The following ACSS1 variants were observed in gnomAD, a reference collection of about 807,000 sequenced individuals.
ACSS1 encodes the protein acetyl-coenzyme A synthetase 2-like, mitochondrial.
In ACSS1, 42 loss-of-function variants were observed where a neutral mutation model predicts 75.3. That is an observed-to-expected ratio of 0.56 (90% CI 0.44 to 0.72). The LOEUF (loss-of-function observed/expected upper bound fraction) is 0.72. ACSS1 is among the 30% of genes least tolerant of loss of function. ACSS1 has a pLI of 0.00. For missense variants in ACSS1, 782 were observed against 935.7 expected, an observed-to-expected ratio of 0.84 and a Z score of 2.14; for synonymous variants, 380 against 376.8, an observed-to-expected ratio of 1.01 and a Z score of -0.10.
chr20:25,018,845 C>G (rs899610481), intron 7 of ACSS1, among the ~76,000 whole-genome samples: 1 of 152,134 alleles, frequency 6.6e-6, no homozygotes, highest in African/African-American at 2.4e-5. Flanking sequence ...CCTGCTATTC[C>G]TCAGGAGCTC....
chr20:25,015,845 T>C (rs915990361), intron 7 of ACSS1, among the ~76,000 whole-genome samples: 2 of 152,152 alleles, frequency 1.3e-5, no homozygotes. Context: ...AATCTGGATG[T>C]TTCTCTTAAC....
intron 12 of ACSS1, chr20:25,011,300 G>C (rs1480457247): frequency 6.6e-6 from 1 of 152,180 alleles, no homozygotes; most frequent in Non-Finnish European, 1.5e-5. Flanking sequence ...TCTTGCACTT[G>C]CTTTATGGAG....
intron 1 of ACSS1, among the ~76,000 whole-genome samples, chr20:25,053,144 ACC>A (rs1263587693): frequency 2.8e-5 from 4 of 145,054 alleles, no homozygotes; most frequent in African/African-American, 1.1e-4. Flanking sequence ...GCTCACTGCA[ACC>A]TCCACCTCCT....
Position 25,033,177 on chromosome 20 carries a change from C to T in ACSS1, c.432-2219G>A, listed in dbSNP as rs1038051282. ...TCACTCAACATCTTCAGCCAGATTC[C>T]GTTTTCATAGCTCTGAGAGCTTAAG... On this transcript the variant is annotated intron_variant, in intron 2 of 13. Coordinates refer to ENST00000323482, the MANE Select transcript of ACSS1 (RefSeq NM_032501.4). Among the ~76,000 whole-genome samples the T allele has an allele frequency of 9.2e-5, 14 of 152,102 alleles. No individual in the cohort carries two copies. In the East Asian group the frequency reaches 2.5e-3, roughly 27 times the overall value.
Position 25,012,817 on chromosome 20 carries a change from C to A in ACSS1, c.1702G>T (p.Ala568Ser). The change falls in exon 11 of 14, where the codon GCC becomes TCC. Residue 568 changes from alanine (A) to serine (S), a missense_variant. Ala to Ser is a moderately conservative substitution (Grantham distance 99, BLOSUM62 1). Transcript: ENST00000323482. ...HRLGTAEIED[A>S]IADHPAVPES... The stretch of plus-strand genomic sequence containing the variant: ...GAGGCCCAGCCTGTGCTCACGATGG[C>A]GTCCTCAATCTCTGCGGTCCCCAGC... 1 of 1,614,064 alleles carries A rather than the reference C, an allele frequency of 6.2e-7. No homozygotes were observed. Among genetic ancestry groups the A allele is most frequent in the Non-Finnish European group, 8.5e-7 (1 of 1,179,978 alleles).
At chr20:25,023,198 T>C in intron 4 of ACSS1, 106 bp from the exon 5 acceptor site, 2 of 1,375,490 alleles carry the variant, frequency 1.5e-6, no homozygotes, top group Middle Eastern at 2.4e-4. Context: ...AGAATTCACC[T>C]GCTCTGACCT....
chr20:25,055,327 G>A (rs1275961731), intron 1 of ACSS1, among the ~76,000 whole-genome samples: 4 of 152,192 alleles, frequency 2.6e-5, no homozygotes. Context: ...TTGTTTTACA[G>A]ATGAGGAAAC....
At chr20:25,045,679 G>T (rs2089077333) in intron 2 of ACSS1, among the ~76,000 whole-genome samples, 1 of 152,266 alleles carries the variant, frequency 6.6e-6, no homozygotes, top group South Asian at 2.1e-4. Flanking sequence ...ACTGTGTTCA[G>T]TGGCAGTGAT....
At position 25,007,876 on chromosome 20, in the gene ACSS1, G is replaced by A. The variant is rs201971518; in HGVS notation, c.1956C>T (p.Ile652=). Residue 652 remains isoleucine, a synonymous_variant, in exon 14 of 14, where the codon ATC becomes ATT. Coordinates refer to ENST00000323482, the MANE Select transcript of ACSS1 (RefSeq NM_032501.4). ...KVMRRLLRKI[I]TSEAQELGDT... ...CTCCCAGCTCCTGGGCCTCACTAGT[G>A]ATGATCTTCCTCAGGAGCCGCCGCA... 2.2e-4 allele frequency: 355 copies of A among 1,614,196 alleles called. 1 individual carries two copies. Among genetic ancestry groups the A allele is most frequent in the Middle Eastern group, 2.0e-3 (12 of 6,060 alleles).
At chr20:25,051,018 A>G (rs2089167600) in intron 1 of ACSS1, among the ~76,000 whole-genome samples, 1 of 152,120 alleles carries the variant, frequency 6.6e-6, no homozygotes, top group Admixed American at 6.5e-5. Context: ...AGGTGCTCAA[A>G]AAGTGGCCAC....
chr20:25,018,783 T>C (rs1182952283), intron 7 of ACSS1, among the ~76,000 whole-genome samples: 1 of 152,228 alleles, frequency 6.6e-6, no homozygotes, highest in Non-Finnish European at 1.5e-5. Flanking sequence ...ACAGAAGGTT[T>C]TTACTGTTAA....
rs138103045 is a variant in ACSS1, at chr20:25,048,007, C to T, written c.431+78G>A. ...GCACTCCCTGAGACTCAGACGGCCC[C>T]TCCCTGACAGCCAGACTCAGCACAC... On this transcript the variant is annotated intron_variant, in intron 2 of 13. Coordinates refer to ENST00000323482, the MANE Select transcript of ACSS1 (RefSeq NM_032501.4). 2.8e-4 allele frequency: 382 copies of T among 1,354,044 alleles called. 1 individual carries two copies. In the African/African-American group the frequency reaches 4.2e-3, roughly 15 times the overall value. The allele number at this position is 1,354,044 out of a possible 1,614,324, so 83.9% of individuals were successfully genotyped here.
At chr20:25,031,150 G>A (rs894079657) in intron 2 of ACSS1, 192 bp from the exon 3 acceptor site, 10 of 692,142 alleles carry the variant, frequency 1.4e-5, no homozygotes, top group Non-Finnish European at 2.6e-5. Context: ...TTTGTAGATT[G>A]CTATTGGCAG....
At position 25,012,616 on chromosome 20, in the gene ACSS1, C is replaced by T. The variant is rs144000162; in HGVS notation, c.1756G>A (p.Asp586Asn). ...PESAVIGYPH[D>N]IKGEAAFAFI... The stretch of plus-strand genomic sequence containing the variant: ...GGACACTCACCTTCTCCTTTGATGT[C>T]GTGGGGGTAGCCAATGACAGCACTT... The change falls in exon 12 of 14, where the codon GAC becomes AAC. Residue 586 changes from aspartate to asparagine, a missense_variant. Asp to Asn is a conservative substitution (Grantham distance 23). Coordinates refer to ENST00000323482, the MANE Select transcript of ACSS1 (RefSeq NM_032501.4). 368 of 1,614,170 alleles carry T rather than the reference C, an allele frequency of 2.3e-4. No homozygotes were observed. In the African/African-American group the frequency reaches 3.2e-3, roughly 14 times the overall value.
At position 25,046,860 on chromosome 20, in the gene ACSS1, C is replaced by T. The variant is rs1478080817; in HGVS notation, c.431+1225G>A. On this transcript the variant is annotated intron_variant, in intron 2 of 13. Transcript: ENST00000323482. ...TGCTGGCCTATGGGCCACACGGCAT[C>T]TGCAACCAGGGACTAGAGATAAGAA... 7 of 779,614 alleles carry T rather than the reference C, an allele frequency of 9.0e-6. No individual in the cohort carries two copies. The Admixed American group carries it at 1.0e-4, about 11-fold the overall frequency. The allele number at this position is 779,614 out of a possible 1,614,324, so 48.3% of individuals were successfully genotyped here.
intron 2 of ACSS1, among the ~76,000 whole-genome samples, chr20:25,031,792 C>A (rs186483353): frequency 6.6e-6 from 1 of 152,322 alleles, no homozygotes; most frequent in African/African-American, 2.4e-5. Context: ...AGGCATAGAT[C>A]ATCATGGTTC....
At chr20:25,013,694 G>T (rs770653361) in intron 9 of ACSS1, 32 bp from the exon 10 acceptor site, 2 of 1,576,820 alleles carry the variant, frequency 1.3e-6, no homozygotes, top group East Asian at 4.5e-5. Flanking sequence ...GTGAGACAGG[G>T]CAGGCTCTGG....
At chr20:25,048,252 G>A (rs2089128518) in intron 1 of ACSS1, 71 bp from the exon 2 acceptor site, 1 of 1,342,082 alleles carries the variant, frequency 7.5e-7, no homozygotes, top group South Asian at 1.2e-5. Context: ...AGGTTGAGGG[G>A]TTGGAGCGGG....
chr20:25,057,997 T>G lies in ACSS1; in HGVS notation c.106A>C (p.Arg36=). 1 of 1,501,180 alleles carries G rather than the reference T, an allele frequency of 6.7e-7. No homozygotes were observed. Among genetic ancestry groups the G allele is most frequent in the South Asian group, 1.3e-5 (1 of 79,710 alleles). 93.0% of individuals were successfully genotyped at this position (1,501,180 alleles called of 1,614,324 possible). ...RPPCGVSAPR[R]AASGPSGSAP... ...CTGCCCGAGGGTCCCGAGGCCGCCC[T>G]GCGCGGCGCGCTCACCCCGCACGGC... Residue 36 remains arginine (R), a synonymous_variant, in exon 1 of 14, where the codon AGG becomes CGG. Coordinates refer to ENST00000323482, the MANE Select transcript of ACSS1 (RefSeq NM_032501.4).
Sources: allele counts gnomAD v4.1 joint callset (sites outside exome capture counted in the v4.1 genomes callset), GRCh38; gene constraint gnomAD v4.1.1; transcripts MANE v1.5; gene names NCBI Gene and HGNC (gene_info 2026-07-23, HGNC 2026-07-21).